NALF1: variants seen among roughly 807,000 people sequenced by gnomAD.
NALF1 encodes NALCN channel auxiliary factor 1.
Under a neutral mutation model 48.4 loss-of-function variants are expected in NALF1, and 3 were observed. The observed-to-expected ratio is 0.06, with a 90% CI of 0.03 to 0.16. The LOEUF is 0.16. Among genes scored for constraint, NALF1 ranks in the 10% least tolerant of loss-of-function variants. The probability of loss-of-function intolerance (pLI) is 1.00; values close to 1 mark genes in which losing one functional copy is unlikely to be tolerated. For synonymous variants in NALF1, 262 were observed against 245.7 expected, an observed-to-expected ratio of 1.07 and a Z score of -0.62; for missense variants, 526 against 571.5, an observed-to-expected ratio of 0.92 and a Z score of 0.81.
At chr13:107,722,569 C>T (rs1303582972) in intron 1 of NALF1, among the ~76,000 whole-genome samples, 1 of 152,076 alleles carries the variant, frequency 6.6e-6, no homozygotes, top group Non-Finnish European at 1.5e-5. Flanking sequence ...CAGTGCCTCC[C>T]TAGCGGGCCC....
At chr13:107,440,656 T>G (rs1279881209) in intron 1 of NALF1, among the ~76,000 whole-genome samples, 1 of 152,162 alleles carries the variant, frequency 6.6e-6, no homozygotes, top group Non-Finnish European at 1.5e-5. Context: ...ATCTGCTGAT[T>G]CTGCACGTGT....
chr13:107,746,661 A>G (rs1215436067), intron 1 of NALF1, among the ~76,000 whole-genome samples: 1 of 152,188 alleles, frequency 6.6e-6, no homozygotes. Flanking sequence ...CACTAAATGT[A>G]GAAGCTTCTT....
At chr13:107,201,542 A>C (rs576526698) in intron 2 of NALF1, among the ~76,000 whole-genome samples, 8 of 152,054 alleles carry the variant, frequency 5.3e-5, no homozygotes, top group South Asian at 2.1e-4. Context: ...GTGCCACTGC[A>C]CTCCAGCCTG....
intron 1 of NALF1, among the ~76,000 whole-genome samples, chr13:107,381,738 G>A (rs944814581): frequency 4.6e-5 from 7 of 152,116 alleles, no homozygotes; most frequent in Admixed American, 2.6e-4. Flanking sequence ...AAGGTGACTC[G>A]ACTCTTGCTT....
chr13:107,612,985 T>G (rs1279878731), intron 1 of NALF1, among the ~76,000 whole-genome samples: 24 of 148,986 alleles, frequency 1.6e-4, no homozygotes, highest in East Asian at 6.1e-4. Context: ...TTTTTTTGGG[T>G]TTTTTTCCCA....
At chr13:107,293,235 C>G (rs1053959300) in intron 1 of NALF1, among the ~76,000 whole-genome samples, 1 of 151,974 alleles carries the variant, frequency 6.6e-6, no homozygotes, top group Non-Finnish European at 1.5e-5. Flanking sequence ...CCACCTTGGC[C>G]TCCCGAAGTG....
intron 1 of NALF1, among the ~76,000 whole-genome samples, chr13:107,259,890 T>C (rs1880896940): frequency 1.4e-5 from 2 of 148,090 alleles, no homozygotes; most frequent in African/African-American, 2.5e-5. Flanking sequence ...AACAATGAAA[T>C]CCACAGCTCT....
intron 1 of NALF1, among the ~76,000 whole-genome samples, chr13:107,486,237 A>G (rs1410673820): frequency 1.3e-5 from 2 of 152,150 alleles, no homozygotes; most frequent in African/African-American, 4.8e-5. Context: ...GTCCTTACGG[A>G]TCGGAACAGA....
chr13:107,838,318 A>T (rs960503790), intron 1 of NALF1, among the ~76,000 whole-genome samples: 1 of 152,230 alleles, frequency 6.6e-6, no homozygotes, highest in Non-Finnish European at 1.5e-5. Flanking sequence ...GGGGATGCTC[A>T]AAAACAATAA....
chr13:107,382,877 C>A (rs1883464280), intron 1 of NALF1, among the ~76,000 whole-genome samples: 1 of 152,164 alleles, frequency 6.6e-6, no homozygotes, highest in African/African-American at 2.4e-5. Flanking sequence ...GTTAGCTCTG[C>A]TTTAGGGAAT....
intron 1 of NALF1, among the ~76,000 whole-genome samples, chr13:107,589,419 C>T (rs1295952932): frequency 6.6e-6 from 1 of 151,956 alleles, no homozygotes; most frequent in Non-Finnish European, 1.5e-5. Flanking sequence ...ATTGCTGAAA[C>T]ACCAAGATTT....
At chr13:107,557,027 T>C (rs541906348) in intron 1 of NALF1, among the ~76,000 whole-genome samples, 1 of 152,328 alleles carries the variant, frequency 6.6e-6, no homozygotes, top group South Asian at 2.1e-4. Flanking sequence ...TGGGTTATGA[T>C]TTAGTGTACA....
chr13:107,238,047 A>G (rs759114287), intron 1 of NALF1, among the ~76,000 whole-genome samples: 1 of 152,196 alleles, frequency 6.6e-6, no homozygotes, highest in Non-Finnish European at 1.5e-5. Flanking sequence ...GAAATTTGTT[A>G]TCTCGAATCC....
rs200024873 is a variant in NALF1, at chr13:107,685,053, G to A, written c.915+180629C>T. Among the ~76,000 whole-genome samples the A allele has an allele frequency of 3.5e-4, 54 of 152,254 alleles. 1 individual carries two copies. The East Asian group carries it at 8.1e-3, about 23-fold the overall frequency. Reference sequence around the variant, plus strand: ...AAGAAGGCTGGGTGCAGTGGCTCACGCCTGTAATCCCAGCACTTTGGGAGG... The same window carrying A: ...AAGAAGGCTGGGTGCAGTGGCTCACACCTGTAATCCCAGCACTTTGGGAGG... On this transcript the variant is annotated intron_variant, in intron 1 of 2. Coordinates refer to ENST00000375915, the MANE Select transcript of NALF1 (RefSeq NM_001080396.3).
chr13:107,812,670 G>A (rs1452230844), intron 1 of NALF1, among the ~76,000 whole-genome samples: 2 of 152,014 alleles, frequency 1.3e-5, no homozygotes, highest in Non-Finnish European at 2.9e-5. Flanking sequence ...ATATTTATTT[G>A]TATTTTTATC....
intron 1 of NALF1, among the ~76,000 whole-genome samples, chr13:107,752,405 A>G (rs1876965692): frequency 6.6e-6 from 1 of 152,162 alleles, no homozygotes; most frequent in Non-Finnish European, 1.5e-5. Flanking sequence ...TTATACATAT[A>G]TTGTATAATA....
At chr13:107,221,740 A>T (rs1879998069) in intron 1 of NALF1, among the ~76,000 whole-genome samples, 1 of 152,202 alleles carries the variant, frequency 6.6e-6, no homozygotes, top group African/African-American at 2.4e-5. Context: ...AAAGTCCCAC[A>T]GCAAAATGTA....
chr13:107,744,111 G>C (rs1876712670), intron 1 of NALF1, among the ~76,000 whole-genome samples: 2 of 152,294 alleles, frequency 1.3e-5, no homozygotes, highest in African/African-American at 4.8e-5. Flanking sequence ...TGTGAGGCAA[G>C]AAAGAGACTA....
At chr13:107,367,413 C>T (rs1246442837) in intron 1 of NALF1, among the ~76,000 whole-genome samples, 1 of 152,156 alleles carries the variant, frequency 6.6e-6, no homozygotes, top group Admixed American at 6.5e-5. Context: ...TGTCTTGTTT[C>T]CGGCTGAAGA....
Sources: allele counts gnomAD v4.1 joint callset (sites outside exome capture counted in the v4.1 genomes callset), GRCh38; gene constraint gnomAD v4.1.1; transcripts MANE v1.5; gene names NCBI Gene and HGNC (gene_info 2026-07-23, HGNC 2026-07-21).